The following FA2H variants were observed in gnomAD, a reference collection of about 807,000 sequenced individuals.
FA2H encodes the protein fatty acid alpha-hydroxylase.
A neutral mutation model predicts 44.9 loss-of-function variants in FA2H; 22 were observed. The ratio of observed to expected loss-of-function variants is 0.49; its 90% CI spans 0.35 to 0.70. The LOEUF (loss-of-function observed/expected upper bound fraction) is 0.70, where lower values mean the gene tolerates loss of function less well. Among genes scored for constraint, FA2H ranks in the 30% least tolerant of loss-of-function variants. The probability of loss-of-function intolerance (pLI) is 0.01; values close to 1 mark genes in which losing one functional copy is unlikely to be tolerated. For missense variants in FA2H, 501 were observed against 504.9 expected (o/e 0.99, Z 0.07); for synonymous variants, 243 against 213.2 (o/e 1.14, Z -1.22).
At chr16:74,754,688 C>T (rs894587127) in intron 1 of FA2H, among the ~76,000 whole-genome samples, 9 of 151,856 alleles carry the variant, frequency 5.9e-5, no homozygotes, top group East Asian at 5.8e-4. Flanking sequence ...CCACCACATC[C>T]GGGTAATTTT....
At chr16:74,758,993 A>T (rs1218113009) in intron 1 of FA2H, among the ~76,000 whole-genome samples, 1 of 152,180 alleles carries the variant, frequency 6.6e-6, no homozygotes, top group African/African-American at 2.4e-5. Flanking sequence ...GCTCTGCACT[A>T]AAGTTCATGA....
intron 2 of FA2H, among the ~76,000 whole-genome samples, chr16:74,732,863 G>C (rs1014850009): frequency 1.6e-4 from 24 of 152,246 alleles, no homozygotes; most frequent in South Asian, 2.1e-4. Context: ...CAAAAGCACA[G>C]AACTGTCGTG....
At chr16:74,749,042 T>C (rs978036171) in intron 1 of FA2H, among the ~76,000 whole-genome samples, 6 of 151,934 alleles carry the variant, frequency 3.9e-5, no homozygotes, top group Non-Finnish European at 8.8e-5. Context: ...CAGAGGGAGA[T>C]GATGGTGCCA....
chr16:74,730,870 C>T lies in FA2H; in HGVS notation c.364-3484G>A, dbSNP rs528933305. On this transcript the variant is annotated intron_variant, in intron 2 of 6. Transcript: ENST00000219368. ...ATTGTCATTTTGCAGTTGGGGAAACCGAGGCTGAGTAATCTGCCCAAGGTC... is the reference window on the plus strand; with the variant it reads ...ATTGTCATTTTGCAGTTGGGGAAACTGAGGCTGAGTAATCTGCCCAAGGTC... Among the ~76,000 whole-genome samples, 39 of 152,230 alleles carry T rather than the reference C, an allele frequency of 2.6e-4. 1 individual carries two copies. Among genetic ancestry groups the T allele is most frequent in the Admixed American group, 2.0e-3 (30 of 15,276 alleles).
At chr16:74,715,093 C>T (rs1012227341) in intron 6 of FA2H, among the ~76,000 whole-genome samples, 16 of 152,002 alleles carry the variant, frequency 1.1e-4, no homozygotes, top group African/African-American at 3.6e-4. Context: ...CCGTCTCGGC[C>T]TCCTCAAGTG....
chr16:74,767,812 G>A (rs952544896), intron 1 of FA2H, among the ~76,000 whole-genome samples: 2 of 152,232 alleles, frequency 1.3e-5, no homozygotes, highest in Non-Finnish European at 2.9e-5. Context: ...ATTTGCCAGA[G>A]AAGCAATCAA....
rs1313638702 is a variant in FA2H at position 74,716,548 on chromosome 16, C to A, written c.838G>T (p.Val280Leu). The A allele has an allele frequency of 6.2e-7, 1 of 1,605,898 alleles. No individual in the cohort carries two copies. Residue 280 changes from valine (V) to leucine (L), a missense_variant, in exon 6 of 7, where the codon GTG becomes TTG. Coordinates refer to ENST00000219368, the MANE Select transcript of FA2H (RefSeq NM_024306.5). ...LVFPPVPASL[V>L]IGVFYLCMQL... The stretch of plus-strand genomic sequence containing the variant: ...ATGCACAAGTAGAAGACGCCGATCA[C>A]CAGGGAGGCTGGCACAGGGGGGAAG...
At chr16:74,745,009 G>A (rs1488234023) in intron 1 of FA2H, among the ~76,000 whole-genome samples, 1 of 152,170 alleles carries the variant, frequency 6.6e-6, no homozygotes, top group Non-Finnish European at 1.5e-5. Context: ...TGGCTTGACA[G>A]GGGGTGTCCA....
At chr16:74,774,008 G>T (rs370518560) in intron 1 of FA2H, among the ~76,000 whole-genome samples, 168 of 152,312 alleles carry the variant, frequency 1.1e-3, no homozygotes, top group African/African-American at 3.8e-3. Context: ...AAGAGTTACT[G>T]ATCTGTGCCT....
At chr16:74,769,358 A>C (rs1257406863) in intron 1 of FA2H, among the ~76,000 whole-genome samples, 1 of 152,018 alleles carries the variant, frequency 6.6e-6, no homozygotes, top group Non-Finnish European at 1.5e-5. Context: ...CAGCCTCCCA[A>C]AGTGCCTGGA....
At chr16:74,716,309 C>T in intron 6 of FA2H, 38 bp downstream of exon 6, 1 of 1,603,792 alleles carries the variant, frequency 6.2e-7, no homozygotes, top group Non-Finnish European at 8.5e-7. Flanking sequence ...AATCAATGAA[C>T]ACACATAGGG....
chr16:74,740,202 G>A, intron 1 of FA2H, 87 bp from the exon 2 acceptor site: 1 of 1,048,364 alleles, frequency 9.5e-7, no homozygotes, highest in East Asian at 2.4e-5. Flanking sequence ...AGGCAGCCAG[G>A]AGTGGTGAGA....
rs116240838 is a variant in FA2H at position 74,739,177 on chromosome 16, T to G, written c.363+846A>C. 1.7e-3 allele frequency among the ~76,000 whole-genome samples: 254 copies of G among 152,194 alleles called. 1 individual carries two copies. Among genetic ancestry groups the G allele is most frequent in the African/African-American group, 5.9e-3 (244 of 41,530 alleles). ...TGGCGGTGGTGGGGAGGGGTTACTG[T>G]CCCCTGCACCAGGCTGTGAGCTCTC... On this transcript the variant is annotated intron_variant, in intron 2 of 6. Transcript: ENST00000219368.
intron 1 of FA2H, among the ~76,000 whole-genome samples, chr16:74,768,816 A>G (rs115341333): frequency 1.9e-3 from 286 of 152,282 alleles, no homozygotes; most frequent in African/African-American, 6.6e-3. Flanking sequence ...TGGACTTCTC[A>G]GCCATGCTGA....
Position 74,744,878 on chromosome 16 carries a change from G to A in FA2H, c.271-4763C>T, listed in dbSNP as rs541498875. On this transcript the variant is annotated intron_variant, in intron 1 of 6. Transcript: ENST00000219368. Reference sequence around the variant, plus strand: ...TGGGATTACAGGTGTGAACCACCACGCCTGGCTGGTGATGCCTTTGAACTG... The same window carrying A: ...TGGGATTACAGGTGTGAACCACCACACCTGGCTGGTGATGCCTTTGAACTG... 8.5e-5 allele frequency among the ~76,000 whole-genome samples: 13 copies of A among 152,224 alleles called. No homozygotes were observed. In the South Asian group the frequency reaches 1.5e-3, roughly 17 times the overall value.
intron 4 of FA2H, among the ~76,000 whole-genome samples, chr16:74,725,330 C>T (rs1035811679): frequency 3.9e-5 from 6 of 152,194 alleles, no homozygotes. Context: ...GCTCAGGAAG[C>T]TCAGAGCCAG....
At chr16:74,721,882 C>T (rs1043868562) in intron 4 of FA2H, among the ~76,000 whole-genome samples, 1 of 152,248 alleles carries the variant, frequency 6.6e-6, no homozygotes, top group African/African-American at 2.4e-5. Context: ...CACCGGCACG[C>T]GGGCGCTGGA....
chr16:74,741,828 GTGTGTGTGTAT>G (rs201945890), intron 1 of FA2H, among the ~76,000 whole-genome samples: 70 of 96,736 alleles, frequency 7.2e-4, no homozygotes, highest in South Asian at 6.4e-3. Context: ...GTGTGTGTGT[GTGTGTGTGTAT>G]GTGTGTGTAT....
intron 2 of FA2H, among the ~76,000 whole-genome samples, chr16:74,729,875 C>T (rs1380179888): frequency 1.3e-5 from 2 of 150,340 alleles, no homozygotes; most frequent in African/African-American, 2.5e-5. Flanking sequence ...AGCCAATCTT[C>T]AGCACGGGGA....
Sources: allele counts gnomAD v4.1 joint callset (sites outside exome capture counted in the v4.1 genomes callset), GRCh38; gene constraint gnomAD v4.1.1; transcripts MANE v1.5; gene names NCBI Gene and HGNC (gene_info 2026-07-23, HGNC 2026-07-21).